The following SGPP2 variants were observed in gnomAD, a reference collection of about 807,000 sequenced individuals.
SGPP2 encodes sphingosine 1-phosphate phosphohydrolase 2.
A neutral mutation model predicts 33.9 loss-of-function variants in SGPP2; 30 were observed. The observed-to-expected ratio is 0.89, with a 90% CI of 0.66 to 1.20. SGPP2 has a LOEUF of 1.20. SGPP2 is among the 50% of genes most tolerant of loss of function. The probability of loss-of-function intolerance (pLI) is 0.00; values close to 1 mark genes in which losing one functional copy is unlikely to be tolerated. For missense variants in SGPP2, 458 were observed against 532.1 expected (o/e 0.86, Z 1.37); for synonymous variants, 233 against 225.0 (o/e 1.04, Z -0.32).
rs1209677074 is a variant in SGPP2, at chr2:222,477,183, A to G, written c.378+2457A>G. ...TGTGTATAGGTGTGTGTATATGTGT[A>G]TGTGTGTATATATGTGTGTGCATAG... On this transcript the variant is annotated intron_variant, in intron 2 of 4. Transcript: ENST00000321276. The surrounding 1 kb of genome is among the most constrained non-coding windows in gnomAD (Gnocchi z 6.0). Among the ~76,000 whole-genome samples, 1 of 149,896 alleles carries G rather than the reference A, an allele frequency of 6.7e-6. No individual in the cohort carries two copies. Among genetic ancestry groups the G allele is most frequent in the Non-Finnish European group, 1.5e-5 (1 of 67,328 alleles).
At chr2:222,531,330 G>A (rs1412352689) in intron 4 of SGPP2, among the ~76,000 whole-genome samples, 2 of 152,172 alleles carry the variant, frequency 1.3e-5, no homozygotes, top group Non-Finnish European at 2.9e-5. Flanking sequence ...CACATACGAT[G>A]GAGTATTAGC....
At position 222,502,668 on chromosome 2, in the gene SGPP2, T is replaced by C. The variant is rs1574864558; in HGVS notation, c.379-19099T>C. On this transcript the variant is annotated intron_variant, in intron 2 of 4. Coordinates refer to ENST00000321276, the MANE Select transcript of SGPP2 (RefSeq NM_152386.4). ...GTTCACAATGTTGATTTCTAACATCTAAATGGCTCCTGTGCAGGTACACAT... is the reference window on the plus strand; with the variant it reads ...GTTCACAATGTTGATTTCTAACATCCAAATGGCTCCTGTGCAGGTACACAT... Among the ~76,000 whole-genome samples the C allele has an allele frequency of 2.0e-5, 3 of 152,346 alleles. No individual in the cohort carries two copies. The East Asian group carries it at 5.8e-4, about 29-fold the overall frequency.
intron 1 of SGPP2, among the ~76,000 whole-genome samples, chr2:222,456,826 T>C (rs1213292276): frequency 1.3e-5 from 2 of 152,188 alleles, no homozygotes; most frequent in Admixed American, 6.5e-5. Context: ...CAAAGCAGAA[T>C]ATTTTAAGAG....
At chr2:222,473,855 C>T (rs201335853) in intron 1 of SGPP2, among the ~76,000 whole-genome samples, 7 of 145,924 alleles carry the variant, frequency 4.8e-5, no homozygotes, top group Non-Finnish European at 7.4e-5. Flanking sequence ...ACCCAGGAGG[C>T]GGAGGTTGTA....
At chr2:222,478,840 A>G (rs1574852352) in intron 2 of SGPP2, among the ~76,000 whole-genome samples, 1 of 152,240 alleles carries the variant, frequency 6.6e-6, no homozygotes, top group East Asian at 1.9e-4. Context: ...ATTAGTCCTC[A>G]CCTGTATTGT....
rs555904602 is a variant in SGPP2 at position 222,490,518 on chromosome 2, TC to T, written c.378+15794del. Reference sequence around the variant, plus strand: ...ATCACAGGTCACTGCAAGCTAGACTTCCTAGACTTACTAGACTTAAGTGATC... The same window carrying T: ...ATCACAGGTCACTGCAAGCTAGACTTCTAGACTTACTAGACTTAAGTGATC... On this transcript the variant is annotated intron_variant, in intron 2 of 4. Coordinates refer to ENST00000321276, the MANE Select transcript of SGPP2 (RefSeq NM_152386.4). Among the ~76,000 whole-genome samples, 712 of 152,192 alleles carry T rather than the reference TC, an allele frequency of 4.7e-3. 2 individuals carry two copies. Among genetic ancestry groups the T allele is most frequent in the African/African-American group, 0.016 (682 of 41,504 alleles).
intron 2 of SGPP2, 29 bp downstream of exon 2, chr2:222,474,755 T>C (rs751886101): frequency 5.8e-6 from 9 of 1,556,112 alleles, no homozygotes; most frequent in African/African-American, 1.4e-5. Context: ...CATTAACTGA[T>C]GCTACTTCTA....
rs78830710 is a variant in SGPP2 at position 222,465,320 on chromosome 2, G to A, written c.220-9248G>A. 8.0e-3 allele frequency among the ~76,000 whole-genome samples: 1,218 copies of A among 152,136 alleles called. 8 individuals carry two copies. Among genetic ancestry groups the A allele is most frequent in the African/African-American group, 0.028 (1,148 of 41,506 alleles). On this transcript the variant is annotated intron_variant, in intron 1 of 4. Coordinates refer to ENST00000321276, the MANE Select transcript of SGPP2 (RefSeq NM_152386.4). This position sits in a 1 kb window ranked among gnomAD's most constrained non-coding sequence, Gnocchi z 4.1. Reference sequence around the variant, plus strand: ...AAAGAAGAAGCCCTCGTGCATTTTTGTTCCTTCTGTTTTCTCCTTCAAGGG... The same window carrying A: ...AAAGAAGAAGCCCTCGTGCATTTTTATTCCTTCTGTTTTCTCCTTCAAGGG...
chr2:222,464,898 A>G (rs1697722556), intron 1 of SGPP2, among the ~76,000 whole-genome samples: 1 of 152,218 alleles, frequency 6.6e-6, no homozygotes, highest in Admixed American at 6.5e-5. Flanking sequence ...AATTTCAAGA[A>G]TTTCTTAATT....
chr2:222,456,307 T>G (rs148679521), intron 1 of SGPP2, among the ~76,000 whole-genome samples: 1 of 152,202 alleles, frequency 6.6e-6, no homozygotes, highest in African/African-American at 2.4e-5. Flanking sequence ...TAATGTAAAT[T>G]TTGTGTGATG....
At chr2:222,543,191 G>T (rs1422386586) in intron 4 of SGPP2, among the ~76,000 whole-genome samples, 2 of 152,208 alleles carry the variant, frequency 1.3e-5, no homozygotes, top group African/African-American at 4.8e-5. Flanking sequence ...TATTTGTGAG[G>T]TTTTATTGTT....
intron 1 of SGPP2, among the ~76,000 whole-genome samples, chr2:222,440,442 A>G (rs1697308082): frequency 6.6e-6 from 1 of 151,776 alleles, no homozygotes; most frequent in Non-Finnish European, 1.5e-5. Context: ...TCCGGGGTTC[A>G]AGAGATTCTC....
chr2:222,498,099 C>T (rs1307459290), intron 2 of SGPP2, among the ~76,000 whole-genome samples: 1 of 139,656 alleles, frequency 7.2e-6, no homozygotes, highest in African/African-American at 3.4e-5. Context: ...TTCTCAGTCT[C>T]CTTTTGTGAT....
At chr2:222,479,431 A>G (rs547575286) in intron 2 of SGPP2, among the ~76,000 whole-genome samples, 18 of 123,122 alleles carry the variant, frequency 1.5e-4, no homozygotes, top group African/African-American at 5.4e-4. Flanking sequence ...GAGACAGAGT[A>G]TCGCTCTGTC....
chr2:222,432,695 G>A (rs1253188053), intron 1 of SGPP2, among the ~76,000 whole-genome samples: 2 of 152,166 alleles, frequency 1.3e-5, no homozygotes, highest in African/African-American at 4.8e-5. Context: ...TAGGAACTCA[G>A]AAGCCAGAGG....
At chr2:222,514,660 G>A (rs1434669931) in intron 2 of SGPP2, among the ~76,000 whole-genome samples, 1 of 152,250 alleles carries the variant, frequency 6.6e-6, no homozygotes. Context: ...GAGGATTACA[G>A]ATGGATTTTT....
At chr2:222,537,963 G>A (rs1411437052) in intron 4 of SGPP2, among the ~76,000 whole-genome samples, 2 of 152,150 alleles carry the variant, frequency 1.3e-5, no homozygotes, top group African/African-American at 4.8e-5. Flanking sequence ...AACAAACTAT[G>A]GTACATCCAT....
At chr2:222,466,494 G>A (rs1266893850) in intron 1 of SGPP2, among the ~76,000 whole-genome samples, 3 of 151,952 alleles carry the variant, frequency 2.0e-5, no homozygotes, top group African/African-American at 7.3e-5. Context: ...TCCTGACCTC[G>A]TGATCCGCCC....
intron 1 of SGPP2, among the ~76,000 whole-genome samples, chr2:222,446,336 C>CAAAT (rs1310241670): frequency 3.3e-5 from 5 of 151,758 alleles, no homozygotes; most frequent in South Asian, 4.2e-4. Flanking sequence ...ACAAAACAAA[C>CAAAT]AACCCAAGAA....
Sources: gnomAD v4.1 joint callset for allele counts (sites outside exome capture counted in the v4.1 genomes callset) on GRCh38, gnomAD v4.1.1 for gene constraint, Gnocchi (gnomAD v3.1) non-coding constraint, MANE v1.5 for transcripts, NCBI Gene and HGNC (gene_info 2026-07-23, HGNC 2026-07-21) for gene names.